Variants in MATN2 observed in about 807,000 individuals in gnomAD.
The protein encoded by MATN2 is matrilin 2.
MATN2 carries 69 observed loss-of-function variants against 103.2 expected under a neutral mutation model. The observed-to-expected ratio is 0.67, with a 90% CI of 0.55 to 0.82. MATN2 has a LOEUF of 0.82. Among genes scored for constraint, MATN2 ranks in the 40% least tolerant of loss-of-function variants. The pLI is 0.00. For missense variants in MATN2, 1,023 were observed against 1,211.5 expected, an observed-to-expected ratio of 0.84 and a Z score of 2.31; for synonymous variants, 429 against 450.2, an observed-to-expected ratio of 0.95 and a Z score of 0.60.
intron 8 of MATN2, among the ~76,000 whole-genome samples, chr8:98,004,800 G>T (rs745491425): frequency 3.9e-5 from 6 of 152,244 alleles, no homozygotes; most frequent in African/African-American, 1.4e-4. Context: ...CCACAACAAA[G>T]CTCCACTGGG....
At position 98,035,747 on chromosome 8, in the gene MATN2, A is replaced by C; in HGVS notation, c.*35A>C. ...ATCGCGACACATTTGTAGTCATTGTATCACGGATTACAATGAACGCAGTGC... is the reference window on the plus strand; with the variant it reads ...ATCGCGACACATTTGTAGTCATTGTCTCACGGATTACAATGAACGCAGTGC... On this transcript the variant is annotated 3_prime_UTR_variant, in exon 19 of 19. Coordinates refer to ENST00000254898, the MANE Select transcript of MATN2 (RefSeq NM_002380.5). 6.8e-7 allele frequency: 1 copy of C among 1,473,708 alleles called. No individual in the cohort carries two copies. The highest frequency in any genetic ancestry group is 9.4e-7 in the Non-Finnish European group (1 of 1,066,414). 91.3% of individuals were successfully genotyped at this position (1,473,708 alleles called of 1,614,324 possible).
chr8:98,030,334 A>G (rs866738590), intron 14 of MATN2, 128 bp from the exon 15 acceptor site: 1 of 668,444 alleles, frequency 1.5e-6, no homozygotes, highest in South Asian at 2.1e-5. Context: ...AATAAAAAGG[A>G]AGGTTGGCAT....
Position 98,002,433 on chromosome 8 carries a change from TTTTG to T in MATN2, c.1205-1224_1205-1221del, listed in dbSNP as rs751196567. ...TAGCTGGATATTTTGCAAGATCACC[TTTTG>T]TTTATTTTGCCTTGTGCCGTCCAAT... On this transcript the variant is annotated intron_variant, in intron 7 of 18. Transcript: ENST00000254898. Among the ~76,000 whole-genome samples the T allele has an allele frequency of 1.0e-3, 155 of 152,352 alleles. 1 individual carries two copies. Among genetic ancestry groups the T allele is most frequent in the Non-Finnish European group, 2.0e-3 (134 of 68,028 alleles).
At chr8:97,875,028 T>C (rs1818023018) in intron 1 of MATN2, among the ~76,000 whole-genome samples, 1 of 152,158 alleles carries the variant, frequency 6.6e-6, no homozygotes, top group Admixed American at 6.5e-5. Flanking sequence ...TCTTCTACTT[T>C]TGAGGACGCT....
At chr8:97,918,530 G>A (rs890338417) in intron 2 of MATN2, among the ~76,000 whole-genome samples, 2 of 152,188 alleles carry the variant, frequency 1.3e-5, no homozygotes, top group African/African-American at 4.8e-5. Context: ...CTGTCATCAC[G>A]ACCTGGTGCT....
At chr8:97,914,773 G>T (rs1297347719) in intron 2 of MATN2, among the ~76,000 whole-genome samples, 1 of 152,140 alleles carries the variant, frequency 6.6e-6, no homozygotes, top group Non-Finnish European at 1.5e-5. Flanking sequence ...GGGTGCGTGT[G>T]CATCCCACTC....
intron 2 of MATN2, among the ~76,000 whole-genome samples, chr8:97,919,902 G>T (rs1013745924): frequency 2.0e-5 from 3 of 152,230 alleles, no homozygotes; most frequent in African/African-American, 7.2e-5. Flanking sequence ...GGCCAGTGGA[G>T]AATGGCCCAT....
At position 98,027,598 on chromosome 8, in the gene MATN2, C is replaced by T. The variant is rs183598203; in HGVS notation, c.2125C>T (p.Leu709=). ...CACACAGGTCCACACAGAGTTCACT[C>T]TGAGAAACTTCAACTCAGCCAAAGA... The part of the protein sequence containing the change: ...YSTQVHTEFT[L]RNFNSAKDMK... Residue 709 remains leucine, a synonymous_variant, in exon 14 of 19, where the codon CTG becomes TTG. Coordinates refer to ENST00000254898, the MANE Select transcript of MATN2 (RefSeq NM_002380.5). 6 of 1,613,840 alleles carry T rather than the reference C, an allele frequency of 3.7e-6. No homozygotes were observed. The highest frequency in any genetic ancestry group is 5.1e-6 in the Non-Finnish European group (6 of 1,179,792).
In MATN2 at chr8:97,931,940, C is replaced by T. The variant is rs1183456212; in HGVS notation, c.712+418C>T. On this transcript the variant is annotated intron_variant, in intron 3 of 18. Transcript: ENST00000254898. The surrounding 1 kb of genome is among the most constrained non-coding windows in gnomAD (Gnocchi z 4.1). ...CTGATCTGAAACTCCTGGCTTCAAGCGATCCTCCTGCCTCAACCTCCCAAA... is the reference window on the plus strand; with the variant it reads ...CTGATCTGAAACTCCTGGCTTCAAGTGATCCTCCTGCCTCAACCTCCCAAA... Among the ~76,000 whole-genome samples the T allele has an allele frequency of 2.6e-5, 4 of 152,160 alleles. No individual in the cohort carries two copies. Among genetic ancestry groups the T allele is most frequent in the East Asian group, 3.9e-4 (2 of 5,194 alleles).
In MATN2 at chr8:98,027,768, G is replaced by T; in HGVS notation, c.2295G>T (p.Val765=). The change falls in exon 14 of 19, where the codon GTG becomes GTT. Residue 765 remains valine, a synonymous_variant. Transcript: ENST00000254898. ...CAAGGGTGCCCAGAGCAGCCATTGT[G>T]TTCACCGACGGACGGGCTCAGGATG... ...LSTRVPRAAI[V]FTDGRAQDDV... The T allele has an allele frequency of 6.2e-7, 1 of 1,607,308 alleles. No homozygotes were observed. The highest frequency in any genetic ancestry group is 8.5e-7 in the Non-Finnish European group (1 of 1,177,628).
intron 2 of MATN2, among the ~76,000 whole-genome samples, chr8:97,900,097 G>A (rs1014359412): frequency 6.6e-6 from 1 of 152,214 alleles, no homozygotes; most frequent in Non-Finnish European, 1.5e-5. Flanking sequence ...TTTTTCAAAA[G>A]CCAAGAATTA....
In MATN2 at chr8:97,961,449, C is replaced by T. The variant is rs1318216928; in HGVS notation, c.877C>T (p.Leu293Phe). ...CAMEDHNCEQ[L>F]CVNVPGSFVC... ...CATGGAGGACCACAACTGTGAGCAG[C>T]TCTGTGTGAATGTGCCGGGCTCCTT... The change falls in exon 5 of 19, where the codon CTC becomes TTC. Residue 293 changes from leucine to phenylalanine, a missense_variant. Coordinates refer to ENST00000254898, the MANE Select transcript of MATN2 (RefSeq NM_002380.5). The T allele has an allele frequency of 6.2e-7, 1 of 1,613,784 alleles. No homozygotes were observed. The highest frequency in any genetic ancestry group is 1.3e-5 in the African/African-American group (1 of 75,020).
At chr8:97,921,517 C>G (rs1235490282) in intron 2 of MATN2, among the ~76,000 whole-genome samples, 1 of 152,140 alleles carries the variant, frequency 6.6e-6, no homozygotes, top group Non-Finnish European at 1.5e-5. Context: ...ACCATGGTGC[C>G]TTAATCAAGT....
At chr8:97,997,276 G>A (rs1205869794) in intron 7 of MATN2, among the ~76,000 whole-genome samples, 1 of 152,176 alleles carries the variant, frequency 6.6e-6, no homozygotes, top group Non-Finnish European at 1.5e-5. Flanking sequence ...TGACGTCCAG[G>A]CTTGGCAATG....
intron 13 of MATN2, among the ~76,000 whole-genome samples, chr8:98,026,178 C>CAAAAA (rs71271184): frequency 2.4e-4 from 26 of 109,696 alleles, no homozygotes; most frequent in Admixed American, 3.2e-4. Flanking sequence ...GACTCAATCT[C>CAAAAA]AAAAAAAAAA....
intron 1 of MATN2, among the ~76,000 whole-genome samples, chr8:97,870,405 C>G (rs1156591294): frequency 6.6e-6 from 1 of 152,082 alleles, no homozygotes; most frequent in African/African-American, 2.4e-5. Context: ...GTAATCCCAG[C>G]TACTCGGGAG....
chr8:97,988,703 C>T (rs1157977905), intron 6 of MATN2, among the ~76,000 whole-genome samples: 2 of 152,054 alleles, frequency 1.3e-5, no homozygotes, highest in African/African-American at 4.8e-5. Context: ...CACTTTAAAA[C>T]CTTCCCACAG....
At chr8:97,877,595 A>G (rs1818120134) in intron 1 of MATN2, among the ~76,000 whole-genome samples, 1 of 151,796 alleles carries the variant, frequency 6.6e-6, no homozygotes, top group Non-Finnish European at 1.5e-5. Flanking sequence ...TGCTGGGATT[A>G]CAGGCATGAG....
At chr8:97,869,550 C>T (rs563989563) in intron 1 of MATN2, among the ~76,000 whole-genome samples, 10 of 152,298 alleles carry the variant, frequency 6.6e-5, no homozygotes, top group Non-Finnish European at 1.3e-4. Flanking sequence ...GCGCTGCAGC[C>T]GCCCCGGAGT....
Sources: allele counts gnomAD v4.1 joint callset (sites outside exome capture counted in the v4.1 genomes callset), GRCh38; gene constraint gnomAD v4.1.1; non-coding constraint Gnocchi (gnomAD v3.1); transcripts MANE v1.5; gene names NCBI Gene and HGNC (gene_info 2026-07-23, HGNC 2026-07-21).